Variants in RAD51B observed in about 807,000 individuals in gnomAD.
The protein encoded by RAD51B is DNA repair protein RAD51 homolog 2.
Under a neutral mutation model 42.2 loss-of-function variants are expected in RAD51B, and 38 were observed. That is an observed-to-expected ratio of 0.90 (90% CI 0.70 to 1.18). The LOEUF (loss-of-function observed/expected upper bound fraction) is 1.18, where lower values mean the gene tolerates loss of function less well. RAD51B is among the 50% of genes most tolerant of loss of function. The probability of loss-of-function intolerance (pLI) is 0.00; values close to 1 mark genes in which losing one functional copy is unlikely to be tolerated. For missense variants in RAD51B, 373 were observed against 400.7 expected, an observed-to-expected ratio of 0.93 and a Z score of 0.59; for synonymous variants, 154 against 145.2, an observed-to-expected ratio of 1.06 and a Z score of -0.43.
chr14:68,673,527 C>T, intron 11 of RAD51B, among the ~76,000 whole-genome samples: 1 of 150,074 alleles, frequency 6.7e-6, no homozygotes, highest in African/African-American at 2.5e-5. Flanking sequence ...TATGTACGCG[C>T]ACACACATAC....
At chr14:68,041,148 C>T (rs1022916963) in intron 7 of RAD51B, among the ~76,000 whole-genome samples, 15 of 152,106 alleles carry the variant, frequency 9.9e-5, no homozygotes, top group Admixed American at 1.3e-4. Context: ...TAGCCCTTTC[C>T]GCCTTTGCTC....
At chr14:67,886,355 G>A (rs1453941181) in intron 6 of RAD51B, among the ~76,000 whole-genome samples, 1 of 152,146 alleles carries the variant, frequency 6.6e-6, no homozygotes, top group African/African-American at 2.4e-5. Context: ...TCGCTCAAGA[G>A]GTTATAGTCA....
At chr14:68,658,140 G>C (rs78562591) in intron 11 of RAD51B, among the ~76,000 whole-genome samples, 7,794 of 152,362 alleles carry the variant, frequency 0.051, 247 homozygotes, top group Non-Finnish European at 0.061. Context: ...ATGAAAAAGA[G>C]GGAGCTCTGG....
At chr14:68,681,566 G>A (rs556999878) in intron 11 of RAD51B, among the ~76,000 whole-genome samples, 1 of 152,190 alleles carries the variant, frequency 6.6e-6, no homozygotes, top group Non-Finnish European at 1.5e-5. Flanking sequence ...CCTTTTGTCT[G>A]GGTTTGACAA....
At chr14:67,992,522 T>C (rs2075312304) in intron 7 of RAD51B, among the ~76,000 whole-genome samples, 2 of 152,204 alleles carry the variant, frequency 1.3e-5, no homozygotes, top group Admixed American at 1.3e-4. Flanking sequence ...ATGTTTAGAT[T>C]CAGTCTACTC....
chr14:68,257,944 A>G (rs2139527958), intron 7 of RAD51B, among the ~76,000 whole-genome samples: 1 of 152,358 alleles, frequency 6.6e-6, no homozygotes, highest in Non-Finnish European at 1.5e-5. Context: ...AAACTAGAGC[A>G]TAGGAACTGA....
In RAD51B at chr14:67,887,037, G is replaced by A; in HGVS notation, c.589G>A (p.Glu197Lys). The A allele has an allele frequency of 6.6e-7, 1 of 1,509,590 alleles. No individual in the cohort carries two copies. Among genetic ancestry groups the A allele is most frequent in the Non-Finnish European group, 9.0e-7 (1 of 1,109,334 alleles). 93.5% of individuals were successfully genotyped at this position (1,509,590 alleles called of 1,614,324 possible). A position where few individuals can be genotyped will look rare whatever the true frequency, so the allele number is the denominator to read the frequency against. ...CTTTTATAGGATTGAATCTTTGGAA[G>A]AAGAAATTATCTCAAAAGGAATTAA... Reference protein sequence around the residue: ...EVLQRIESLEEEIISKGIKLV... With the variant: ...EVLQRIESLEKEIISKGIKLV... The change falls in exon 7 of 11, where the codon GAA becomes AAA. Residue 197 changes from glutamate to lysine, a missense_variant. By Grantham distance (56) the Glu-to-Lys change is moderately conservative (BLOSUM62 1). Transcript: ENST00000471583.
intron 7 of RAD51B, among the ~76,000 whole-genome samples, chr14:68,186,294 T>C (rs1488586803): frequency 2.6e-5 from 4 of 152,200 alleles, no homozygotes; most frequent in Admixed American, 6.5e-5. Flanking sequence ...ATTTTGTACA[T>C]GGGCTTTGGT....
At chr14:68,235,704 A>C (rs1396649613) in intron 7 of RAD51B, among the ~76,000 whole-genome samples, 5 of 100,530 alleles carry the variant, frequency 5.0e-5, no homozygotes, top group African/African-American at 1.9e-4. Flanking sequence ...ACTCCGTCTC[A>C]AAAAAAAAAA....
chr14:68,206,711 A>T (rs1427563639), intron 7 of RAD51B, among the ~76,000 whole-genome samples: 1 of 150,136 alleles, frequency 6.7e-6, no homozygotes, highest in East Asian at 1.9e-4. Context: ...GATTTTTGGC[A>T]TAAGTTATTC....
exon 11 of RAD51B, chr14:68,595,052 T>G (rs980175985): frequency 9.3e-7 from 1 of 1,073,110 alleles, no homozygotes; most frequent in Non-Finnish European, 1.1e-6. Context: ...CCACTGAGTA[T>G]TTACTCAGTG....
At chr14:67,927,961 T>C (rs915551305) in intron 7 of RAD51B, among the ~76,000 whole-genome samples, 35 of 151,620 alleles carry the variant, frequency 2.3e-4, no homozygotes, top group African/African-American at 8.2e-4. Flanking sequence ...TTGGTCTGTA[T>C]TTTTTTTGTT....
At chr14:68,470,881 C>T (rs1363499346) in intron 10 of RAD51B, among the ~76,000 whole-genome samples, 1 of 152,176 alleles carries the variant, frequency 6.6e-6, no homozygotes, top group Non-Finnish European at 1.5e-5. Context: ...ACTCATCATT[C>T]CCTTAGCTCA....
At chr14:68,339,554 T>A (rs943695345) in intron 8 of RAD51B, 1 of 360,962 alleles carries the variant, frequency 2.8e-6, no homozygotes, top group African/African-American at 2.1e-5. Flanking sequence ...GAGAGACTTA[T>A]GGTTGCCATA....
intron 7 of RAD51B, among the ~76,000 whole-genome samples, chr14:68,043,730 A>G (rs756338304): frequency 3.3e-4 from 51 of 152,350 alleles, no homozygotes; most frequent in Non-Finnish European, 5.9e-4. Context: ...AGGCTTTCTG[A>G]TAAGTAAGTA....
intron 9 of RAD51B, among the ~76,000 whole-genome samples, chr14:68,415,367 G>A (rs993799242): frequency 1.3e-5 from 2 of 152,194 alleles, no homozygotes; most frequent in Non-Finnish European, 2.9e-5. Flanking sequence ...GTTTTGCCTT[G>A]TAACAAGAGC....
chr14:68,618,316 A>G (rs1891868294), intron 10 of RAD51B, among the ~76,000 whole-genome samples: 1 of 152,198 alleles, frequency 6.6e-6, no homozygotes, highest in Non-Finnish European at 1.5e-5. Flanking sequence ...AGGAAACTAC[A>G]AGACAGAAAG....
rs144556115 is a variant in RAD51B at position 68,354,557 on chromosome 14, A to G, written c.854-56867A>G. On this transcript the variant is annotated intron_variant, in intron 8 of 10. Transcript: ENST00000471583. ...GTAAAATGAAGTTTGTCACTTCTGCATGCTTACAAGCTTAAACATCAAAAG... is the reference window on the plus strand; with the variant it reads ...GTAAAATGAAGTTTGTCACTTCTGCGTGCTTACAAGCTTAAACATCAAAAG... 3.9e-5 allele frequency among the ~76,000 whole-genome samples: 6 copies of G among 152,086 alleles called. No homozygotes were observed. In the East Asian group the frequency reaches 1.2e-3, roughly 30 times the overall value.
At chr14:68,294,287 G>T (rs2081571932) in intron 8 of RAD51B, among the ~76,000 whole-genome samples, 1 of 76,572 alleles carries the variant, frequency 1.3e-5, no homozygotes, top group Admixed American at 1.3e-4. Flanking sequence ...GGAAATAATT[G>T]ATTTTTCTAG....
Sources: allele counts gnomAD v4.1 joint callset (sites outside exome capture counted in the v4.1 genomes callset), GRCh38; gene constraint gnomAD v4.1.1; transcripts MANE v1.5; gene names NCBI Gene and HGNC (gene_info 2026-07-23, HGNC 2026-07-21).